FRMD4A: variants seen among roughly 807,000 people sequenced by gnomAD.
FRMD4A encodes FERM domain-containing protein 4A.
FRMD4A carries 29 observed loss-of-function variants against 129.1 expected under a neutral mutation model. That is an observed-to-expected ratio of 0.22 (90% CI 0.17 to 0.31). The LOEUF is 0.31. FRMD4A is among the 10% of genes least tolerant of loss of function. The probability of loss-of-function intolerance (pLI) is 1.00; values close to 1 mark genes in which losing one functional copy is unlikely to be tolerated. For missense variants in FRMD4A, 1,272 were observed against 1,375.8 expected, an observed-to-expected ratio of 0.92 and a Z score of 1.19; for synonymous variants, 634 against 571.6, an observed-to-expected ratio of 1.11 and a Z score of -1.56.
intron 2 of FRMD4A, among the ~76,000 whole-genome samples, chr10:13,965,030 C>T (rs2095476472): frequency 6.7e-6 from 1 of 149,492 alleles, no homozygotes; most frequent in African/African-American, 2.5e-5. Flanking sequence ...TAAATTTCCT[C>T]TTTTGCTCAG....
At chr10:13,665,511 G>C (rs1043294758) in intron 18 of FRMD4A, among the ~76,000 whole-genome samples, 2 of 152,138 alleles carry the variant, frequency 1.3e-5, no homozygotes, top group African/African-American at 4.8e-5. Context: ...TTTGTGGGTG[G>C]ATTTTGGGGG....
At chr10:14,275,724 C>T (rs1056350809) in intron 2 of FRMD4A, among the ~76,000 whole-genome samples, 8 of 152,086 alleles carry the variant, frequency 5.3e-5, no homozygotes, top group African/African-American at 1.9e-4. Flanking sequence ...CTCAAGAGTC[C>T]ACCCCTGTCT....
chr10:13,915,669 C>CAAA (rs68011803), intron 2 of FRMD4A, among the ~76,000 whole-genome samples: 2 of 122,048 alleles, frequency 1.6e-5, no homozygotes. Flanking sequence ...GACTCTATCT[C>CAAA]AAAAAAAAAA....
rs1465486309 is a variant in FRMD4A, at chr10:13,740,180, A to C, written c.672+14T>G. 1 of 1,517,362 alleles carries C rather than the reference A, an allele frequency of 6.6e-7. No homozygotes were observed. Among genetic ancestry groups the C allele is most frequent in the Non-Finnish European group, 9.1e-7 (1 of 1,093,128 alleles). The allele number at this position is 1,517,362 out of a possible 1,614,324, so 94.0% of individuals were successfully genotyped here. A position where few individuals can be genotyped will look rare whatever the true frequency, so the allele number is the denominator to read the frequency against. On this transcript the variant is annotated intron_variant, in intron 11 of 24. Coordinates refer to ENST00000357447, the MANE Select transcript of FRMD4A (RefSeq NM_018027.5). The stretch of plus-strand genomic sequence containing the variant: ...GGGGAGGTTTGGTAACCTTCACCAA[A>C]TGAGTCTACTCACCTTCACTGCATA...
intron 2 of FRMD4A, among the ~76,000 whole-genome samples, chr10:14,139,180 A>G (rs1163203576): frequency 6.6e-6 from 1 of 151,588 alleles, no homozygotes; most frequent in Admixed American, 6.6e-5. Context: ...GAAGCCAATT[A>G]TTTTTTTGGA....
chr10:14,298,953 T>C lies in FRMD4A; in HGVS notation c.45+31105A>G, dbSNP rs568328710. ...AATGGTGTTTTGAGATCAAATTTTA[T>C]GGTGGAGTTACCTAAAGTGTTGGGG... On this transcript the variant is annotated intron_variant, in intron 2 of 24. Transcript: ENST00000357447. Among the ~76,000 whole-genome samples, 4 of 152,326 alleles carry C rather than the reference T, an allele frequency of 2.6e-5. No homozygotes were observed. The South Asian group carries it at 8.3e-4, about 32-fold the overall frequency.
At chr10:13,994,786 G>A (rs923362484) in intron 2 of FRMD4A, among the ~76,000 whole-genome samples, 3 of 152,106 alleles carry the variant, frequency 2.0e-5, no homozygotes, top group East Asian at 1.9e-4. Flanking sequence ...CAGGAACACC[G>A]GCCCTGGTTT....
chr10:14,238,740 G>T (rs1457203244), intron 2 of FRMD4A, among the ~76,000 whole-genome samples: 1 of 151,992 alleles, frequency 6.6e-6, no homozygotes, highest in African/African-American at 2.4e-5. Context: ...GTGTCCATGT[G>T]TTCTCACTGT....
At chr10:13,796,866 T>C (rs1207391359) in intron 4 of FRMD4A, among the ~76,000 whole-genome samples, 1 of 152,088 alleles carries the variant, frequency 6.6e-6, no homozygotes, top group Non-Finnish European at 1.5e-5. Flanking sequence ...ACTACAAGCA[T>C]GAGCCACCAT....
At chr10:13,817,406 C>T (rs139169423) in intron 3 of FRMD4A, among the ~76,000 whole-genome samples, 36 of 152,302 alleles carry the variant, frequency 2.4e-4, no homozygotes, top group African/African-American at 7.5e-4. Flanking sequence ...AGGCAGGACA[C>T]GACTAACTAG....
chr10:14,138,483 G>A (rs185091698), intron 2 of FRMD4A, among the ~76,000 whole-genome samples: 49 of 151,454 alleles, frequency 3.2e-4, no homozygotes, highest in South Asian at 6.3e-4. Context: ...GCCAAAGGCC[G>A]GACGCGGTGG....
At chr10:14,111,012 A>G (rs7903853) in intron 2 of FRMD4A, among the ~76,000 whole-genome samples, 57,102 of 152,094 alleles carry the variant, frequency 0.38, 11,407 homozygotes, top group East Asian at 0.53. Context: ...AAGTACACAT[A>G]TCATAAAATT....
intron 2 of FRMD4A, among the ~76,000 whole-genome samples, chr10:13,864,577 C>CTTTTT (rs60899227): frequency 7.3e-6 from 1 of 137,004 alleles, no homozygotes. Context: ...TTCTTTCTTT[C>CTTTTT]TTTTTTTTTT....
At chr10:14,137,512 C>A (rs1419555043) in intron 2 of FRMD4A, among the ~76,000 whole-genome samples, 2 of 152,208 alleles carry the variant, frequency 1.3e-5, no homozygotes, top group African/African-American at 4.8e-5. Context: ...GCTATCAGCA[C>A]ATACTGATTT....
chr10:13,770,896 T>C (rs2092437056), intron 6 of FRMD4A, among the ~76,000 whole-genome samples: 1 of 152,210 alleles, frequency 6.6e-6, no homozygotes, highest in South Asian at 2.1e-4. Context: ...CAGATATTTA[T>C]GTTGTCCTCT....
chr10:13,777,335 T>A (rs183254885), intron 6 of FRMD4A, among the ~76,000 whole-genome samples: 1 of 75,930 alleles, frequency 1.3e-5, no homozygotes, highest in African/African-American at 4.3e-5. Flanking sequence ...AATATCATAG[T>A]ATATATAAAA....
intron 2 of FRMD4A, among the ~76,000 whole-genome samples, chr10:14,144,480 C>A (rs543136378): frequency 1.3e-5 from 2 of 152,308 alleles, no homozygotes; most frequent in East Asian, 3.9e-4. Flanking sequence ...TGCTCTGCAT[C>A]GTATGCAGGT....
intron 2 of FRMD4A, among the ~76,000 whole-genome samples, chr10:14,131,904 G>A (rs566067820): frequency 1.5e-3 from 230 of 152,136 alleles, no homozygotes; most frequent in Non-Finnish European, 2.7e-3. Context: ...CACCTCCATC[G>A]CCCTGACCGA....
intron 15 of FRMD4A, chr10:13,685,411 C>A: frequency 1.0e-6 from 1 of 985,174 alleles, no homozygotes; most frequent in African/African-American, 1.7e-5. Context: ...AAATTAGCAG[C>A]ATCCAGTAAA....
Sources: gnomAD v4.1 joint callset for allele counts (sites outside exome capture counted in the v4.1 genomes callset) on GRCh38, gnomAD v4.1.1 for gene constraint, MANE v1.5 for transcripts, NCBI Gene and HGNC (gene_info 2026-07-23, HGNC 2026-07-21) for gene names.